APBA1: variants seen among roughly 807,000 people sequenced by gnomAD.
The protein encoded by APBA1 is amyloid beta precursor protein binding family A member 1.
In APBA1, 55 loss-of-function variants were observed where a neutral mutation model predicts 86.6. That is an observed-to-expected ratio of 0.64 (90% confidence interval 0.51 to 0.80). The LOEUF (loss-of-function observed/expected upper bound fraction) is 0.80, where lower values mean the gene tolerates loss of function less well. APBA1 is among the 30% of genes least tolerant of loss of function. The pLI is 0.00. For missense variants in APBA1, 1,090 were observed against 1,183.0 expected, an observed-to-expected ratio of 0.92 and a Z score of 1.15; for synonymous variants, 511 against 493.9, an observed-to-expected ratio of 1.03 and a Z score of -0.46.
chr9:69,560,924 T>A (rs1163252519), intron 1 of APBA1, among the ~76,000 whole-genome samples: 6 of 152,214 alleles, frequency 3.9e-5, no homozygotes, highest in Non-Finnish European at 8.8e-5. Flanking sequence ...AAGTTATTAA[T>A]TCATCTACCT....
chr9:69,433,182 T>C (rs1217338), intron 11 of APBA1, among the ~76,000 whole-genome samples: 42,180 of 151,628 alleles, frequency 0.28, 7,512 homozygotes, highest in African/African-American at 0.5. Context: ...TCCTTCAGAG[T>C]TTCCCAATTC....
At chr9:69,577,996 G>C (rs148942496) in intron 1 of APBA1, among the ~76,000 whole-genome samples, 28 of 152,266 alleles carry the variant, frequency 1.8e-4, no homozygotes, top group Non-Finnish European at 4.1e-4. Flanking sequence ...ACTTTCTTCT[G>C]TACCTCTCAG....
chr9:69,616,789 A>G lies in APBA1; in HGVS notation c.-70+55364T>C, dbSNP rs79673699. ...ACAGGTCCATTGCAGCACTGAGGGAAAATCAAAACCCAAGGATGACTGATC... is the reference window on the plus strand; with the variant it reads ...ACAGGTCCATTGCAGCACTGAGGGAGAATCAAAACCCAAGGATGACTGATC... On this transcript the variant is annotated intron_variant, in intron 1 of 12. Transcript: ENST00000265381. Among the ~76,000 whole-genome samples the G allele has an allele frequency of 2.2e-3, 336 of 152,318 alleles. 2 individuals are homozygous for G. The highest frequency in any genetic ancestry group is 7.9e-3 in the African/African-American group (329 of 41,564).
chr9:69,513,064 T>TA (rs891221953), intron 2 of APBA1, among the ~76,000 whole-genome samples: 1 of 152,202 alleles, frequency 6.6e-6, no homozygotes, highest in African/African-American at 2.4e-5. Flanking sequence ...ACAAATAGCT[T>TA]AAAAATGACT....
At chr9:69,635,794 A>T (rs1006966830) in intron 1 of APBA1, among the ~76,000 whole-genome samples, 1 of 152,206 alleles carries the variant, frequency 6.6e-6, no homozygotes, top group Non-Finnish European at 1.5e-5. Context: ...AAGACAATAT[A>T]ACAACTGTAA....
intron 1 of APBA1, among the ~76,000 whole-genome samples, chr9:69,569,964 A>G (rs1291230715): frequency 6.6e-6 from 1 of 152,230 alleles, no homozygotes; most frequent in East Asian, 1.9e-4. Flanking sequence ...CAGGTAGGTC[A>G]GAATCGAGGC....
chr9:69,546,438 C>G (rs566892275), intron 1 of APBA1, among the ~76,000 whole-genome samples: 150 of 152,234 alleles, frequency 9.9e-4, no homozygotes, highest in Non-Finnish European at 2.0e-3. Flanking sequence ...TTAGGGAAGA[C>G]CAAGAAAACT....
intron 9 of APBA1, among the ~76,000 whole-genome samples, chr9:69,450,763 C>G (rs1186280600): frequency 1.3e-5 from 2 of 151,750 alleles, no homozygotes; most frequent in African/African-American, 4.8e-5. Context: ...AATATGGACT[C>G]TAATCCAATA....
chr9:69,600,619 T>C (rs1010212173), intron 1 of APBA1, among the ~76,000 whole-genome samples: 4 of 151,884 alleles, frequency 2.6e-5, no homozygotes, highest in Non-Finnish European at 4.4e-5. Context: ...GCCAACATGG[T>C]GAAACCCTGT....
At chr9:69,613,087 G>GA (rs1471976231) in intron 1 of APBA1, among the ~76,000 whole-genome samples, 1 of 152,030 alleles carries the variant, frequency 6.6e-6, no homozygotes, top group Non-Finnish European at 1.5e-5. Flanking sequence ...ATGAATTTAT[G>GA]AAAAAAATTT....
chr9:69,521,857 G>T (rs1285753221), intron 1 of APBA1, among the ~76,000 whole-genome samples: 1 of 152,008 alleles, frequency 6.6e-6, no homozygotes. Context: ...GGGCGATGAG[G>T]ACAAAGAGAT....
At chr9:69,586,594 A>AT (rs1554703966) in intron 1 of APBA1, among the ~76,000 whole-genome samples, 1 of 152,144 alleles carries the variant, frequency 6.6e-6, no homozygotes, top group Non-Finnish European at 1.5e-5. Flanking sequence ...TGGTGCTCTC[A>AT]TGAGGACACT....
At chr9:69,483,290 G>A (rs1480690089) in intron 2 of APBA1, among the ~76,000 whole-genome samples, 1 of 152,184 alleles carries the variant, frequency 6.6e-6, no homozygotes, top group East Asian at 1.9e-4. Context: ...ATTCTCTCAG[G>A]AAGTGTGGGG....
At chr9:69,517,328 T>C (rs1455213091) in intron 1 of APBA1, 49 bp from the exon 2 acceptor site, 1 of 1,374,346 alleles carries the variant, frequency 7.3e-7, no homozygotes, top group East Asian at 2.8e-5. Context: ...AAACAGTCGT[T>C]ATGAGCTGAG....
rs967403535 is a variant in APBA1, at chr9:69,502,046, C to A, written c.1200+13965G>T. Among the ~76,000 whole-genome samples the A allele has an allele frequency of 5.9e-5, 9 of 152,148 alleles. No homozygotes were observed. In the East Asian group the frequency reaches 1.7e-3, roughly 29 times the overall value. ...TTCTTGGCACAGTTTCACATATATA[C>A]TGTCTGGTGAGACAATCCATCAAAA... On this transcript the variant is annotated intron_variant, in intron 2 of 12. Coordinates refer to ENST00000265381, the MANE Select transcript of APBA1 (RefSeq NM_001163.4).
chr9:69,590,333 G>A (rs1822105882), intron 1 of APBA1, among the ~76,000 whole-genome samples: 3 of 152,196 alleles, frequency 2.0e-5, no homozygotes, highest in African/African-American at 7.2e-5. Context: ...CATTGTGTTA[G>A]GCGAGGAAAC....
At chr9:69,448,258 C>T (rs1174786699) in intron 10 of APBA1, among the ~76,000 whole-genome samples, 1 of 152,268 alleles carries the variant, frequency 6.6e-6, no homozygotes, top group African/African-American at 2.4e-5. Context: ...GGCCGCAGAG[C>T]CCTTGCACGT....
At chr9:69,490,574 C>T (rs1835692279) in intron 2 of APBA1, among the ~76,000 whole-genome samples, 1 of 151,818 alleles carries the variant, frequency 6.6e-6, no homozygotes, top group African/African-American at 2.4e-5. Flanking sequence ...ACACCAAAAG[C>T]AATGGCAACA....
At chr9:69,551,543 A>G (rs1836785355) in intron 1 of APBA1, among the ~76,000 whole-genome samples, 1 of 127,122 alleles carries the variant, frequency 7.9e-6, no homozygotes, top group East Asian at 2.3e-4. Context: ...ACAGGGTGAG[A>G]CTCCGCCTCA....
Sources: allele counts gnomAD v4.1 joint callset (sites outside exome capture counted in the v4.1 genomes callset), GRCh38; gene constraint gnomAD v4.1.1; transcripts MANE v1.5; gene names NCBI Gene and HGNC (gene_info 2026-07-23, HGNC 2026-07-21).